Variants in MGMT observed in about 807,000 individuals in gnomAD.
MGMT encodes the protein O-6-methylguanine-DNA methyltransferase.
A neutral mutation model predicts 15.9 loss-of-function variants in MGMT; 14 were observed. That is an observed-to-expected ratio of 0.88 (90% confidence interval 0.58 to 1.37). The LOEUF is 1.37. Ranked by LOEUF, MGMT falls within the 40% of genes most tolerant of loss-of-function variation. The pLI, the probability that MGMT is intolerant of heterozygous loss-of-function variation, is 0.00. For missense variants in MGMT, 282 were observed against 268.1 expected, an observed-to-expected ratio of 1.05 and a Z score of -0.36; for synonymous variants, 130 against 118.2, an observed-to-expected ratio of 1.10 and a Z score of -0.65.
intron 2 of MGMT, among the ~76,000 whole-genome samples, chr10:129,571,911 C>G (rs991613040): frequency 6.6e-6 from 1 of 152,134 alleles, no homozygotes; most frequent in Non-Finnish European, 1.5e-5. Context: ...ATCGTTAGTG[C>G]GACAGCGGGC....
intron 3 of MGMT, among the ~76,000 whole-genome samples, chr10:129,755,814 C>T (rs549763947): frequency 5.3e-5 from 8 of 152,308 alleles, no homozygotes; most frequent in East Asian, 1.9e-4. Flanking sequence ...AGATTATCAC[C>T]GAGGAGAGAT....
chr10:129,470,265 C>T (rs891565942), intron 1 of MGMT, among the ~76,000 whole-genome samples: 2 of 152,232 alleles, frequency 1.3e-5, no homozygotes, highest in Non-Finnish European at 2.9e-5. Context: ...CTGTCTTGGA[C>T]ATAGGTAAGT....
intron 2 of MGMT, among the ~76,000 whole-genome samples, chr10:129,574,373 C>T (rs1478995037): frequency 6.6e-6 from 1 of 152,214 alleles, no homozygotes; most frequent in Non-Finnish European, 1.5e-5. Context: ...TTTAAGGTGG[C>T]TTCCAGTTCA....
chr10:129,620,769 T>C (rs530420463), intron 2 of MGMT, among the ~76,000 whole-genome samples: 120 of 152,340 alleles, frequency 7.9e-4, no homozygotes, highest in Admixed American at 9.8e-4. Flanking sequence ...GTCTGTACTT[T>C]TTATTTGAAA....
chr10:129,493,478 C>T (rs932875310), intron 1 of MGMT, among the ~76,000 whole-genome samples: 1 of 152,190 alleles, frequency 6.6e-6, no homozygotes, highest in South Asian at 2.1e-4. Flanking sequence ...GCCATTTATT[C>T]AATATCTAGT....
At chr10:129,725,835 G>A (rs144303548) in intron 3 of MGMT, among the ~76,000 whole-genome samples, 4 of 152,320 alleles carry the variant, frequency 2.6e-5, no homozygotes, top group Non-Finnish European at 4.4e-5. Context: ...GTAAACTACC[G>A]GGATCAGGAG....
intron 2 of MGMT, among the ~76,000 whole-genome samples, chr10:129,561,259 T>C (rs1846274828): frequency 6.6e-6 from 1 of 152,138 alleles, no homozygotes; most frequent in African/African-American, 2.4e-5. Flanking sequence ...TGTGTCACGA[T>C]GGGGAAGGCC....
Position 129,522,846 on chromosome 10 carries a change from G to A in MGMT, c.-12-13395G>A, listed in dbSNP as rs566072466. Among the ~76,000 whole-genome samples the A allele has an allele frequency of 3.9e-5, 6 of 152,302 alleles. No individual in the cohort carries two copies. In the East Asian group the frequency reaches 9.7e-4, roughly 25 times the overall value. On this transcript the variant is annotated intron_variant, in intron 1 of 4. Transcript: ENST00000651593. Reference sequence around the variant, plus strand: ...CACAGAGAGCCCCCGGCACCTGCTCGGGGCAGGAATTGGTGGCTTTGGCCA... The same window carrying A: ...CACAGAGAGCCCCCGGCACCTGCTCAGGGCAGGAATTGGTGGCTTTGGCCA...
At chr10:129,708,592 G>A (rs893194370) in intron 3 of MGMT, among the ~76,000 whole-genome samples, 1 of 152,198 alleles carries the variant, frequency 6.6e-6, no homozygotes, top group African/African-American at 2.4e-5. Context: ...CTTAAGGCTT[G>A]TGATAATCTA....
At position 129,482,466 on chromosome 10, in the gene MGMT, T is replaced by C. The variant is rs115427671; in HGVS notation, c.-13+15170T>C. On this transcript the variant is annotated intron_variant, in intron 1 of 4. Coordinates refer to ENST00000651593, the MANE Select transcript of MGMT (RefSeq NM_002412.5). ...TCAAGCCTTCTATATCCTTATTGAA[T>C]TTTGTTTCCCTATTCTAAAAATTAT... Among the ~76,000 whole-genome samples the C allele has an allele frequency of 3.5e-3, 539 of 152,276 alleles. 5 individuals are homozygous for C. Among genetic ancestry groups the C allele is most frequent in the African/African-American group, 0.012 (508 of 41,568 alleles).
At chr10:129,579,063 G>A (rs1846521618) in intron 2 of MGMT, among the ~76,000 whole-genome samples, 1 of 152,054 alleles carries the variant, frequency 6.6e-6, no homozygotes, top group South Asian at 2.1e-4. Context: ...GAAACTTACT[G>A]GGATTTCTGT....
chr10:129,496,994 GT>G lies in MGMT; in HGVS notation c.-13+29706del, dbSNP rs550502517. ...AGGCATGACCCACTGTGCCTGGCCAGTTTTTTTTCCCCCTTTTTGGCAAGGG... is the reference window on the plus strand; with the variant it reads ...AGGCATGACCCACTGTGCCTGGCCAGTTTTTTTCCCCCTTTTTGGCAAGGG... On this transcript the variant is annotated intron_variant, in intron 1 of 4. Transcript: ENST00000651593. Among the ~76,000 whole-genome samples the G allele has an allele frequency of 1.7e-3, 256 of 151,924 alleles. 2 individuals carry two copies. Among genetic ancestry groups the G allele is most frequent in the African/African-American group, 5.6e-3 (233 of 41,426 alleles).
At chr10:129,499,232 C>A (rs998424475) in intron 1 of MGMT, among the ~76,000 whole-genome samples, 47 of 152,162 alleles carry the variant, frequency 3.1e-4, no homozygotes, top group African/African-American at 1.1e-3. Flanking sequence ...GAAAAAGTCA[C>A]AGAATTTTCT....
chr10:129,594,196 G>C (rs896627437), intron 2 of MGMT, among the ~76,000 whole-genome samples: 3 of 152,136 alleles, frequency 2.0e-5, no homozygotes, highest in African/African-American at 7.2e-5. Context: ...TTGGAAGAGG[G>C]CGTTGCAATG....
chr10:129,567,356 C>T (rs930289645), intron 2 of MGMT, among the ~76,000 whole-genome samples: 17 of 152,080 alleles, frequency 1.1e-4, no homozygotes, highest in Admixed American at 2.0e-4. Context: ...CAGGACAGAC[C>T]CCCCCAGAGA....
intron 2 of MGMT, among the ~76,000 whole-genome samples, chr10:129,572,100 CTGACCATCTAAGTGTTGCTTTAAAGAAAA>C (rs1846426399): frequency 6.6e-6 from 1 of 152,158 alleles, no homozygotes; most frequent in Non-Finnish European, 1.5e-5. Context: ...GTAAACCATG[CTGACCATCTAAGTGTTGCTTTAAAGAAAA>C]AAATGGTGCA....
chr10:129,736,496 G>A (rs945993687), intron 3 of MGMT, among the ~76,000 whole-genome samples: 1 of 146,592 alleles, frequency 6.8e-6, no homozygotes, highest in Non-Finnish European at 1.5e-5. Flanking sequence ...GCACACTGAT[G>A]GGTCTTGACT....
intron 2 of MGMT, among the ~76,000 whole-genome samples, chr10:129,539,721 T>A (rs1410529250): frequency 6.6e-6 from 1 of 152,178 alleles, no homozygotes; most frequent in African/African-American, 2.4e-5. Context: ...TTAGCCAGGA[T>A]GGTCTCCATC....
chr10:129,571,288 A>G (rs1237128580), intron 2 of MGMT, among the ~76,000 whole-genome samples: 1 of 152,248 alleles, frequency 6.6e-6, no homozygotes, highest in African/African-American at 2.4e-5. Flanking sequence ...GATACAGGCG[A>G]TATTTCCTGT....
Sources: gnomAD v4.1 joint callset for allele counts (sites outside exome capture counted in the v4.1 genomes callset) on GRCh38, gnomAD v4.1.1 for gene constraint, MANE v1.5 for transcripts, NCBI Gene and HGNC (gene_info 2026-07-23, HGNC 2026-07-21) for gene names.